The following SEMA6D variants were observed in gnomAD, a reference collection of about 807,000 sequenced individuals.
The protein encoded by SEMA6D is semaphorin 6D, also known as semaphorin-6D.
SEMA6D carries 35 observed loss-of-function variants against 106.6 expected under a neutral mutation model. That is an observed-to-expected ratio of 0.33 (90% CI 0.25 to 0.44). The LOEUF is 0.44. Ranked by LOEUF, SEMA6D falls within the 20% of genes least tolerant of loss-of-function variation. The pLI, the probability that SEMA6D is intolerant of heterozygous loss-of-function variation, is 1.00. For missense variants in SEMA6D, 1,185 were observed against 1,345.9 expected (o/e 0.88, Z 1.87); for synonymous variants, 499 against 487.7 (o/e 1.02, Z -0.31).
intron 3 of SEMA6D, among the ~76,000 whole-genome samples, chr15:47,558,954 C>T (rs1380796064): frequency 6.6e-6 from 1 of 151,892 alleles, no homozygotes; most frequent in Non-Finnish European, 1.5e-5. Flanking sequence ...AGTCTTGGAG[C>T]AGCGATGGGT....
At chr15:47,479,862 A>G (rs8030382) in intron 3 of SEMA6D, among the ~76,000 whole-genome samples, 3,652 of 138,300 alleles carry the variant, frequency 0.026, 167 homozygotes, top group African/African-American at 0.1. Context: ...TTTTCTTATC[A>G]TTCTTTTTTT....
chr15:47,207,619 G>A (rs1356712323), intron 1 of SEMA6D, among the ~76,000 whole-genome samples: 1 of 152,112 alleles, frequency 6.6e-6, no homozygotes, highest in African/African-American at 2.4e-5. Context: ...AGGATGTGAA[G>A]ATTTGCTGGT....
At chr15:47,735,898 T>A (rs1028503344) in intron 1 of SEMA6D, among the ~76,000 whole-genome samples, 1 of 152,224 alleles carries the variant, frequency 6.6e-6, no homozygotes, top group Non-Finnish European at 1.5e-5. Flanking sequence ...AAACAATTTT[T>A]ACTTTGACAC....
At chr15:47,238,024 C>T (rs531021147) in intron 1 of SEMA6D, among the ~76,000 whole-genome samples, 48 of 152,004 alleles carry the variant, frequency 3.2e-4, no homozygotes, top group African/African-American at 8.2e-4. Context: ...TTGTCAAGTG[C>T]GCATTTATTG....
intron 1 of SEMA6D, among the ~76,000 whole-genome samples, chr15:47,242,685 C>T (rs942308296): frequency 5.9e-5 from 9 of 152,190 alleles, no homozygotes; most frequent in South Asian, 4.1e-4. Context: ...GGTATCCTTA[C>T]GGTCAACTAT....
At chr15:47,628,286 C>G (rs1299851615) in intron 4 of SEMA6D, among the ~76,000 whole-genome samples, 1 of 136,354 alleles carries the variant, frequency 7.3e-6, no homozygotes, top group Non-Finnish European at 1.7e-5. Flanking sequence ...AAGGCACTTG[C>G]AGGGTTATAT....
intron 4 of SEMA6D, among the ~76,000 whole-genome samples, chr15:47,631,708 A>G (rs558288887): frequency 2.6e-5 from 4 of 152,106 alleles, no homozygotes; most frequent in Admixed American, 6.5e-5. Context: ...CCTAGAACCT[A>G]TTCTGTAGAA....
intron 1 of SEMA6D, among the ~76,000 whole-genome samples, chr15:47,197,906 T>C (rs1224083131): frequency 6.6e-6 from 1 of 152,188 alleles, no homozygotes; most frequent in African/African-American, 2.4e-5. Context: ...TGTGTCATAT[T>C]TGTAAACTAA....
chr15:47,229,289 A>T (rs1375817810), intron 1 of SEMA6D, among the ~76,000 whole-genome samples: 7 of 152,094 alleles, frequency 4.6e-5, no homozygotes, highest in Non-Finnish European at 7.4e-5. Context: ...TTTTCTAATT[A>T]AAAACACCCC....
chr15:47,546,184 A>C (rs1226955500), intron 3 of SEMA6D, among the ~76,000 whole-genome samples: 1 of 152,178 alleles, frequency 6.6e-6, no homozygotes, highest in East Asian at 1.9e-4. Flanking sequence ...AAACCATGGA[A>C]GTAAAAAGAG....
At chr15:47,310,875 TAAC>T (rs1435353653) in intron 1 of SEMA6D, among the ~76,000 whole-genome samples, 1 of 152,188 alleles carries the variant, frequency 6.6e-6, no homozygotes, top group African/African-American at 2.4e-5. Context: ...TGCCGTTTCT[TAAC>T]AAATTCATGC....
intron 1 of SEMA6D, among the ~76,000 whole-genome samples, chr15:47,338,845 A>G (rs957522953): frequency 1.3e-5 from 2 of 152,152 alleles, no homozygotes; most frequent in African/African-American, 4.8e-5. Flanking sequence ...TCGTCCTTTC[A>G]TCTGTCCAAG....
At chr15:47,398,957 T>C (rs1414033756) in intron 1 of SEMA6D, among the ~76,000 whole-genome samples, 1 of 152,082 alleles carries the variant, frequency 6.6e-6, no homozygotes, top group East Asian at 1.9e-4. Context: ...CTTTGTCCCT[T>C]AAAAAAGGCC....
At chr15:47,750,503 A>T (rs1488737873) in intron 1 of SEMA6D, among the ~76,000 whole-genome samples, 1 of 152,020 alleles carries the variant, frequency 6.6e-6, no homozygotes, top group African/African-American at 2.4e-5. Context: ...TGTCGGTGGG[A>T]GAAGAATCAT....
chr15:47,410,907 T>C (rs138187015), intron 1 of SEMA6D, among the ~76,000 whole-genome samples: 131 of 152,280 alleles, frequency 8.6e-4, no homozygotes, highest in African/African-American at 3.1e-3. Context: ...AATGCAAGAT[T>C]CAGACCATAA....
chr15:47,492,959 C>G (rs2043518584), intron 3 of SEMA6D, among the ~76,000 whole-genome samples: 1 of 152,132 alleles, frequency 6.6e-6, no homozygotes, highest in Non-Finnish European at 1.5e-5. Context: ...CCAAGGTCCT[C>G]TGAGCAGGAC....
intron 1 of SEMA6D, among the ~76,000 whole-genome samples, chr15:47,304,429 T>TAGGG (rs2036146826): frequency 1.3e-5 from 1 of 79,068 alleles, no homozygotes; most frequent in Non-Finnish European, 2.0e-5. Context: ...CTGAGCCTTC[T>TAGGG]AACTAAAAAA....
At chr15:47,600,199 T>C (rs957988298) in intron 3 of SEMA6D, among the ~76,000 whole-genome samples, 1 of 152,160 alleles carries the variant, frequency 6.6e-6, no homozygotes, top group East Asian at 1.9e-4. Context: ...AACTCAGCAA[T>C]AGCTTTTGCA....
At chr15:47,359,729 C>A (rs2038726466) in intron 1 of SEMA6D, 1 of 152,038 alleles carries the variant, frequency 6.6e-6, no homozygotes, top group African/African-American at 2.4e-5. Flanking sequence ...ACATTTCTAC[C>A]AGAAATGTGG....
Sources: allele counts gnomAD v4.1 joint callset (sites outside exome capture counted in the v4.1 genomes callset), GRCh38; gene constraint gnomAD v4.1.1; transcripts MANE v1.5; gene names NCBI Gene and HGNC (gene_info 2026-07-23, HGNC 2026-07-21).